HDLBP: variants seen among roughly 807,000 people sequenced by gnomAD.
HDLBP encodes high density lipoprotein binding protein.
Under a neutral mutation model 137.3 loss-of-function variants are expected in HDLBP, and 30 were observed. The observed-to-expected ratio is 0.22, with a 90% CI of 0.16 to 0.30. The LOEUF is 0.30. HDLBP is among the 10% of genes least tolerant of loss of function. The pLI is 1.00. For missense variants in HDLBP, 1,119 were observed against 1,667.3 expected, an observed-to-expected ratio of 0.67 and a Z score of 5.73; for synonymous variants, 606 against 596.0, an observed-to-expected ratio of 1.02 and a Z score of -0.24.
In HDLBP at chr2:241,285,028, G is replaced by A. The variant is rs181454227; in HGVS notation, c.-102-16487C>T. On this transcript the variant is annotated intron_variant, in intron 1 of 27. Transcript: ENST00000310931. ...CCCAAGTAGCTGGGATTACAGGTGT[G>A]CTCCGCCACACCCAGCTAATTTTCG... Among the ~76,000 whole-genome samples, 485 of 152,284 alleles carry A rather than the reference G, an allele frequency of 3.2e-3. 3 individuals carry two copies. Among genetic ancestry groups the A allele is most frequent in the African/African-American group, 0.011 (460 of 41,550 alleles).
Position 241,227,949 on chromosome 2 carries a change from C to T in HDLBP, c.*1652G>A, listed in dbSNP as rs2069286662. The T allele has an allele frequency of 6.6e-6, 1 of 152,242 alleles. No individual in the cohort carries two copies. Among genetic ancestry groups the T allele is most frequent in the Non-Finnish European group, 1.5e-5 (1 of 68,054 alleles). 9.4% of individuals were successfully genotyped at this position (152,242 alleles called of 1,614,324 possible). ...GCCTATGAAGCTGGAAGCTATATTCCTTCCAATCCCAATTTACCATTCCTG... is the reference window on the plus strand; with the variant it reads ...GCCTATGAAGCTGGAAGCTATATTCTTTCCAATCCCAATTTACCATTCCTG... On this transcript the variant is annotated 3_prime_UTR_variant, in exon 28 of 28. Coordinates refer to ENST00000310931, the MANE Select transcript of HDLBP (RefSeq NM_005336.6).
chr2:241,249,257 A>C (rs1317165011), intron 12 of HDLBP: 4 of 465,874 alleles, frequency 8.6e-6, no homozygotes, highest in African/African-American at 8.0e-5. Context: ...TGTTCCTCAC[A>C]CAGTCAGGCC....
At chr2:241,306,050 G>A (rs373037744) in intron 1 of HDLBP, among the ~76,000 whole-genome samples, 3 of 151,994 alleles carry the variant, frequency 2.0e-5, no homozygotes, top group South Asian at 2.1e-4. Flanking sequence ...GTGAGTCACC[G>A]CGCCCGGCCA....
rs201844346 is a variant in HDLBP at position 241,252,645 on chromosome 2, G to A, written c.1372+312C>T. ...GATTGGCTAACCTAGCAGGTCTGAC[G>A]GAAATATAGAGAATGCTGCCCTTGG... is the stretch of plus-strand genomic sequence containing the variant. On this transcript the variant is annotated intron_variant, in intron 11 of 27. Transcript: ENST00000310931. Among the ~76,000 whole-genome samples, 11 of 152,218 alleles carry A rather than the reference G, an allele frequency of 7.2e-5. No individual in the cohort carries two copies. In the East Asian group the frequency reaches 9.6e-4, roughly 13 times the overall value.
At position 241,230,275 on chromosome 2, in the gene HDLBP, AG is replaced by A; in HGVS notation, c.3475-7del. On this transcript the variant is annotated splice_polypyrimidine_tract_variant and splice_region_variant and intron_variant, in intron 25 of 27. Coordinates refer to ENST00000310931, the MANE Select transcript of HDLBP (RefSeq NM_005336.6). This position sits in a 1 kb window ranked among gnomAD's most constrained non-coding sequence, Gnocchi z 5.0. ...TGTGGGAAGCGAATGTCCACCTGGA[AG>A]GGGTGTACAACGTCAGATGAGGGGA... is the stretch of plus-strand genomic sequence containing the variant. 2 of 1,557,234 alleles carry A rather than the reference AG, an allele frequency of 1.3e-6. No homozygotes were observed. Among genetic ancestry groups the A allele is most frequent in the Non-Finnish European group, 1.8e-6 (2 of 1,136,736 alleles).
chr2:241,251,339 G>A (rs982536259), intron 11 of HDLBP, among the ~76,000 whole-genome samples: 4 of 152,326 alleles, frequency 2.6e-5, no homozygotes, highest in East Asian at 3.9e-4. Context: ...CAAGTAGTGC[G>A]CAAAAAGGTC....
Position 241,256,165 on chromosome 2 carries a change from C to T in HDLBP, c.873+19G>A, listed in dbSNP as rs1417712128. On this transcript the variant is annotated intron_variant, in intron 7 of 27. Coordinates refer to ENST00000310931, the MANE Select transcript of HDLBP (RefSeq NM_005336.6). ...TTCTATTCCTGCCCATGGGGATTTG[C>T]CTCCTCTAAATCGTGTACCTTCTCC... The T allele has an allele frequency of 2.5e-6, 4 of 1,603,996 alleles. No homozygotes were observed. The highest frequency in any genetic ancestry group is 3.4e-6 in the Non-Finnish European group (4 of 1,170,942).
intron 1 of HDLBP, among the ~76,000 whole-genome samples, chr2:241,291,115 T>C (rs2075001156): frequency 6.6e-6 from 1 of 152,214 alleles, no homozygotes; most frequent in South Asian, 2.1e-4. Context: ...AAAAGATGCT[T>C]AAGCATCGTC....
At chr2:241,256,936 A>G (rs2072666248) in intron 5 of HDLBP, 130 bp from the exon 6 acceptor site, 2 of 752,938 alleles carry the variant, frequency 2.7e-6, no homozygotes, top group Admixed American at 2.4e-5. Context: ...TCATCCATTA[A>G]AACAGCATGA....
rs1337207066 is a variant in HDLBP at position 241,248,078 on chromosome 2, G to A, written c.1656C>T (p.Asp552=). 6.2e-7 allele frequency: 1 copy of A among 1,614,176 alleles called. No homozygotes were observed. The highest frequency in any genetic ancestry group is 2.2e-5 in the East Asian group (1 of 44,892). ...INFPDPAQKS[D]IVQLRGPKNE... ...TCTTAGGTCCTCTGAGCTGGACAAT[G>A]TCACTTTTTTGTGCTGGGTCTGGAA... is the stretch of plus-strand genomic sequence containing the variant. The change falls in exon 14 of 28, where the codon GAC becomes GAT. Residue 552 remains aspartate (D), a synonymous_variant. Coordinates refer to ENST00000310931, the MANE Select transcript of HDLBP (RefSeq NM_005336.6).
chr2:241,261,074 A>T (rs939450219), intron 5 of HDLBP, among the ~76,000 whole-genome samples: 1 of 151,942 alleles, frequency 6.6e-6, no homozygotes, highest in African/African-American at 2.4e-5. Flanking sequence ...GCATGCCTGC[A>T]GTCTCAACTA....
chr2:241,236,975 C>A (rs1559482334), intron 20 of HDLBP, among the ~76,000 whole-genome samples: 1 of 14,836 alleles, frequency 6.7e-5, no homozygotes, highest in Admixed American at 5.8e-4. Flanking sequence ...GCTCCCAGAC[C>A]TTGGGGGGGG....
intron 1 of HDLBP, among the ~76,000 whole-genome samples, chr2:241,287,624 C>T (rs1157369881): frequency 3.3e-5 from 5 of 152,042 alleles, no homozygotes; most frequent in Non-Finnish European, 7.4e-5. Flanking sequence ...GATTTTACCA[C>T]ATTGGCCAGG....
intron 1 of HDLBP, among the ~76,000 whole-genome samples, chr2:241,269,832 T>A (rs891035536): frequency 6.6e-6 from 1 of 152,098 alleles, no homozygotes; most frequent in Admixed American, 6.5e-5. Context: ...CAGGCTAAGG[T>A]GCCCCAACAG....
At chr2:241,304,997 C>T (rs1479699425) in intron 1 of HDLBP, among the ~76,000 whole-genome samples, 7 of 152,230 alleles carry the variant, frequency 4.6e-5, no homozygotes, top group African/African-American at 7.2e-5. Context: ...GCACTTAACC[C>T]GAGCTGGCAC....
chr2:241,229,785 C>CTCA, intron 27 of HDLBP, 48 bp downstream of exon 27: 1 of 505,756 alleles, frequency 2.0e-6, no homozygotes, highest in Non-Finnish European at 3.9e-6. Context: ...AGCCCGCCTG[C>CTCA]CCGCCCACCC....
At chr2:241,275,025 G>A (rs1033240462) in intron 1 of HDLBP, among the ~76,000 whole-genome samples, 2 of 152,150 alleles carry the variant, frequency 1.3e-5, no homozygotes, top group Admixed American at 1.3e-4. Context: ...CTAGTGTAGA[G>A]GGGACTACAG....
Position 241,239,471 on chromosome 2 carries a change from G to GC in HDLBP, c.2610+130dup, listed in dbSNP as rs1307101833. On this transcript the variant is annotated intron_variant, in intron 19 of 27. Transcript: ENST00000310931. This position sits in a 1 kb window ranked among gnomAD's most constrained non-coding sequence, Gnocchi z 4.6. ...AGGAAAGAAGAGCGAGCACCAGAAA[G>GC]CCCCTTCTGAAGCCTTCCAGGGCTG... 3 of 692,390 alleles carry GC rather than the reference G, an allele frequency of 4.3e-6. No homozygotes were observed. In the African/African-American group the frequency reaches 5.4e-5, roughly 12 times the overall value. The allele number at this position is 692,390 out of a possible 1,614,324, so 42.9% of individuals were successfully genotyped here. A position where few individuals can be genotyped will look rare whatever the true frequency, so the allele number is the denominator to read the frequency against.
rs149148950 is a variant in HDLBP at position 241,263,231 on chromosome 2, C to T, written c.235-305G>A. Among the ~76,000 whole-genome samples, 910 of 152,268 alleles carry T rather than the reference C, an allele frequency of 6.0e-3. 6 individuals are homozygous for T. The highest frequency in any genetic ancestry group is 8.7e-3 in the Non-Finnish European group (589 of 68,020). On this transcript the variant is annotated intron_variant, in intron 4 of 27. Transcript: ENST00000310931. The stretch of plus-strand genomic sequence containing the variant: ...GAAAGTGGGAGGTGGACCCTGGGGA[C>T]GGCCAGGAAACACCGTCCTGAAGCA...
Sources: gnomAD v4.1 joint callset for allele counts (sites outside exome capture counted in the v4.1 genomes callset) on GRCh38, gnomAD v4.1.1 for gene constraint, Gnocchi (gnomAD v3.1) non-coding constraint, MANE v1.5 for transcripts, NCBI Gene and HGNC (gene_info 2026-07-23, HGNC 2026-07-21) for gene names.